The following ADAMTSL1 variants were observed in gnomAD, a reference collection of about 807,000 sequenced individuals.
ADAMTSL1 encodes the protein ADAMTS like 1, also known as ADAMTS-like protein 1.
In ADAMTSL1, 126 loss-of-function variants were observed where a neutral mutation model predicts 201.8. The ratio of observed to expected loss-of-function variants is 0.62; its 90% CI spans 0.54 to 0.72. The LOEUF is 0.72. Among genes scored for constraint, ADAMTSL1 ranks in the 30% least tolerant of loss-of-function variants. The pLI is 0.00. For missense variants in ADAMTSL1, 2,679 were observed against 2,277.8 expected (o/e 1.18, Z -3.59); for synonymous variants, 1,121 against 903.4 (o/e 1.24, Z -4.32).
intron 4 of ADAMTSL1, among the ~76,000 whole-genome samples, chr9:18,607,487 AT>A (rs938369003): frequency 5.9e-5 from 9 of 152,046 alleles, no homozygotes; most frequent in African/African-American, 1.9e-4. Flanking sequence ...ATGACTCAAA[AT>A]TTTTTTAATT....
At chr9:18,680,035 G>A (rs552120539) in intron 10 of ADAMTSL1, among the ~76,000 whole-genome samples, 1 of 152,286 alleles carries the variant, frequency 6.6e-6, no homozygotes, top group Non-Finnish European at 1.5e-5. Flanking sequence ...CTTCTGAGTA[G>A]GTTACAGACG....
intron 17 of ADAMTSL1, among the ~76,000 whole-genome samples, chr9:18,771,735 G>GTTTTTTTTTTTTAAAAA: frequency 8.6e-6 from 1 of 116,670 alleles, no homozygotes; most frequent in East Asian, 2.9e-4. Flanking sequence ...TTTTTTTTTG[G>GTTTTTTTTTTTTAAAAA]ATAGTATACA....
At chr9:18,448,718 T>C (rs1820293221) in intron 2 of ADAMTSL1, among the ~76,000 whole-genome samples, 1 of 152,160 alleles carries the variant, frequency 6.6e-6, no homozygotes, top group African/African-American at 2.4e-5. Flanking sequence ...CATGCTATCA[T>C]AACGTAGTAT....
At chr9:17,929,458 C>A (rs1222833772) in intron 1 of ADAMTSL1, among the ~76,000 whole-genome samples, 1 of 151,970 alleles carries the variant, frequency 6.6e-6, no homozygotes, top group Admixed American at 6.6e-5. Flanking sequence ...AGCTGGAAAA[C>A]CCTTATTATG....
rs150191712 is a variant in ADAMTSL1, at chr9:18,168,303, G to A, written c.207+4322G>A. Among the ~76,000 whole-genome samples, 746 of 152,200 alleles carry A rather than the reference G, an allele frequency of 4.9e-3. 10 individuals are homozygous for A. Among genetic ancestry groups the A allele is most frequent in the African/African-American group, 0.017 (718 of 41,534 alleles). ...CCCCAACCCCACAAGGGTCCCTGGT[G>A]TGTGATGTTCCCCTTCCTGTGTCCA... On this transcript the variant is annotated intron_variant, in intron 2 of 29. Transcript: ENST00000680146.
chr9:18,429,265 A>T (rs967568341), intron 2 of ADAMTSL1, among the ~76,000 whole-genome samples: 1 of 152,216 alleles, frequency 6.6e-6, no homozygotes, highest in Non-Finnish European at 1.5e-5. Flanking sequence ...AGTCAATCTG[A>T]ATATGACTTC....
intron 26 of ADAMTSL1, among the ~76,000 whole-genome samples, chr9:18,896,191 T>G (rs1829625781): frequency 6.6e-6 from 1 of 152,078 alleles, no homozygotes; most frequent in African/African-American, 2.4e-5. Context: ...CTTTCCAAAT[T>G]TGATGAAAGA....
At chr9:18,141,616 A>C (rs1398658120) in intron 1 of ADAMTSL1, among the ~76,000 whole-genome samples, 1 of 152,134 alleles carries the variant, frequency 6.6e-6, no homozygotes, top group Non-Finnish European at 1.5e-5. Context: ...GTAGCCTTCC[A>C]TCACAAGGTT....
chr9:17,940,188 G>A (rs1247929157), intron 1 of ADAMTSL1, among the ~76,000 whole-genome samples: 2 of 152,110 alleles, frequency 1.3e-5, no homozygotes, highest in African/African-American at 2.4e-5. Flanking sequence ...TTGTTTGCAT[G>A]TGTGTTTGTG....
intron 2 of ADAMTSL1, among the ~76,000 whole-genome samples, chr9:18,526,960 T>C (rs1819107534): frequency 6.6e-6 from 1 of 152,142 alleles, no homozygotes; most frequent in Admixed American, 6.5e-5. Flanking sequence ...AAAGAGCTCA[T>C]AGATTTCTTT....
Position 18,554,690 on chromosome 9 carries a change from T to C in ADAMTSL1, c.238-19340T>C, listed in dbSNP as rs148851577. Among the ~76,000 whole-genome samples, 71 of 151,012 alleles carry C rather than the reference T, an allele frequency of 4.7e-4. 3 individuals carry two copies. The highest frequency in any genetic ancestry group is 1.7e-3 in the African/African-American group (70 of 41,246). ...AGTGGTTTTTTTTTTTTATTTTGCT[T>C]GTTTGTTTGTATTATCTCATTTTAT... On this transcript the variant is annotated intron_variant, in intron 3 of 28. Transcript: ENST00000380548.
intron 4 of ADAMTSL1, among the ~76,000 whole-genome samples, chr9:18,588,213 T>A (rs957773422): frequency 2.6e-5 from 4 of 152,242 alleles, no homozygotes; most frequent in Non-Finnish European, 2.9e-5. Flanking sequence ...ATTTCCCTGA[T>A]GATTTGTAAT....
chr9:18,857,323 A>G (rs1447634198), intron 23 of ADAMTSL1, among the ~76,000 whole-genome samples: 1 of 152,210 alleles, frequency 6.6e-6, no homozygotes, highest in Non-Finnish European at 1.5e-5. Context: ...TCCTCCCCAA[A>G]TCACACATTG....
Position 18,779,756 on chromosome 9 carries a change from A to C in ADAMTSL1, c.3677+1850A>C, listed in dbSNP as rs551816733. On this transcript the variant is annotated intron_variant, in intron 19 of 28. Transcript: ENST00000380548. ...ACTGAGTGGCAGCTCCAGTGTGTGG[A>C]CCCAGGGTGATGAGGGGTGGCCTGA... Among the ~76,000 whole-genome samples the C allele has an allele frequency of 2.6e-5, 4 of 152,278 alleles. No individual in the cohort carries two copies. The South Asian group carries it at 8.3e-4, about 32-fold the overall frequency.
At chr9:18,186,947 A>G (rs1451850220) in intron 2 of ADAMTSL1, among the ~76,000 whole-genome samples, 1 of 152,118 alleles carries the variant, frequency 6.6e-6, no homozygotes, top group Non-Finnish European at 1.5e-5. Context: ...TAAATGGTGG[A>G]ACCAGGACCC....
intron 4 of ADAMTSL1, among the ~76,000 whole-genome samples, chr9:18,576,385 C>A (rs966907281): frequency 3.9e-5 from 6 of 152,144 alleles, no homozygotes; most frequent in Non-Finnish European, 8.8e-5. Flanking sequence ...GCAGACAGGA[C>A]TGTGGTAAAC....
At chr9:18,747,541 G>A (rs1307471960) in intron 15 of ADAMTSL1, among the ~76,000 whole-genome samples, 1 of 152,110 alleles carries the variant, frequency 6.6e-6, no homozygotes, top group Non-Finnish European at 1.5e-5. Flanking sequence ...TCTGGGCCAT[G>A]ATTTGAATTC....
chr9:18,026,915 CCTT>C (rs913482703), intron 1 of ADAMTSL1, among the ~76,000 whole-genome samples: 5 of 151,792 alleles, frequency 3.3e-5, no homozygotes, highest in Admixed American at 2.6e-4. Context: ...CAGGGTTTCA[CCTT>C]CTTCCTGATT....
chr9:17,994,023 C>G (rs564556139), intron 1 of ADAMTSL1, among the ~76,000 whole-genome samples: 11 of 151,664 alleles, frequency 7.3e-5, no homozygotes, highest in African/African-American at 2.7e-4. Flanking sequence ...TTTTTTGCCC[C>G]TCAGTAATAC....
Sources: allele counts gnomAD v4.1 joint callset (sites outside exome capture counted in the v4.1 genomes callset), GRCh38; gene constraint gnomAD v4.1.1; transcripts MANE v1.5; gene names NCBI Gene and HGNC (gene_info 2026-07-23, HGNC 2026-07-21).